Variants in SASH1 observed in about 807,000 individuals in gnomAD.
SASH1 encodes SAM and SH3 domain-containing protein 1.
Under a neutral mutation model 125.2 loss-of-function variants are expected in SASH1, and 44 were observed. That is an observed-to-expected ratio of 0.35 (90% CI 0.28 to 0.45). The LOEUF (loss-of-function observed/expected upper bound fraction) is 0.45. Among genes scored for constraint, SASH1 ranks in the 20% least tolerant of loss-of-function variants. The pLI is 1.00. For missense variants in SASH1, 1,426 were observed against 1,614.5 expected, an observed-to-expected ratio of 0.88 and a Z score of 2.00; for synonymous variants, 639 against 649.1, an observed-to-expected ratio of 0.98 and a Z score of 0.24.
chr6:148,448,115 A>AGTGTGTGTGTGTGTGTGT (rs34309514), intron 4 of SASH1, among the ~76,000 whole-genome samples: 3 of 146,816 alleles, frequency 2.0e-5, no homozygotes, highest in African/African-American at 7.8e-5. Context: ...CAGTGGAGAG[A>AGTGTGTGTGTGTGTGTGT]GTGTGTGTGT....
chr6:148,396,586 GT>G (rs1273775174), intron 2 of SASH1, among the ~76,000 whole-genome samples: 1 of 150,884 alleles, frequency 6.6e-6, no homozygotes, highest in East Asian at 1.9e-4. Flanking sequence ...TCCAAATATA[GT>G]TCTGGATTAA....
rs1780326925 is a variant in SASH1 at position 148,514,465 on chromosome 6, A to G, written c.862+9A>G. ...AAAACCCAGCACTGAAGGTAAAAAAAAAAAAAAAAAAAAAAAAAAAAGGCA... is the reference window on the plus strand; with the variant it reads ...AAAACCCAGCACTGAAGGTAAAAAAGAAAAAAAAAAAAAAAAAAAAAGGCA... On this transcript the variant is annotated intron_variant, in intron 9 of 19. Transcript: ENST00000367467. The G allele has an allele frequency of 8.3e-7, 1 of 1,209,764 alleles. No homozygotes were observed. Among genetic ancestry groups the G allele is most frequent in the African/African-American group, 1.6e-5 (1 of 62,180 alleles). 74.9% of individuals were successfully genotyped at this position (1,209,764 alleles called of 1,614,324 possible).
In SASH1 at chr6:148,495,471, A is replaced by T; in HGVS notation, c.729+7756A>T. On this transcript the variant is annotated intron_variant, in intron 8 of 19. Transcript: ENST00000367467. The surrounding 1 kb of genome is among the most constrained non-coding windows in gnomAD (Gnocchi z 4.0). ...TTTATTTTATTTTATTTTTTACTAG[A>T]GTAACTTTTAGACACTAGGTTAAAA... 6.6e-6 allele frequency among the ~76,000 whole-genome samples: 1 copy of T among 152,272 alleles called. No homozygotes were observed. Among genetic ancestry groups the T allele is most frequent in the South Asian group, 2.1e-4 (1 of 4,828 alleles).
the SASH1 span, among the ~76,000 whole-genome samples, chr6:148,234,752 G>A: frequency 3.3e-5 from 5 of 151,862 alleles, no homozygotes; most frequent in African/African-American, 4.8e-5. Flanking sequence ...GCTTGAACCC[G>A]GGAGGCGGAG....
chr6:148,456,550 A>C (rs934181067), intron 4 of SASH1, among the ~76,000 whole-genome samples: 1 of 152,206 alleles, frequency 6.6e-6, no homozygotes, highest in African/African-American at 2.4e-5. Context: ...CCATTTACAA[A>C]ATACTTGGGA....
intron 1 of SASH1, among the ~76,000 whole-genome samples, chr6:148,348,409 G>C (rs1444618822): frequency 1.3e-5 from 2 of 152,132 alleles, no homozygotes; most frequent in Non-Finnish European, 2.9e-5. Context: ...TTTATTTGCT[G>C]TTCTCTACCT....
Position 148,550,285 on chromosome 6 carries a change from A to G in SASH1, c.*1727A>G, listed in dbSNP as rs927097339. ...AAAATATAAAGGTCAATCATTTATA[A>G]TAGAAACACCTTGACCACAAGCCCT... On this transcript the variant is annotated 3_prime_UTR_variant, in exon 20 of 20. Coordinates refer to ENST00000367467, the MANE Select transcript of SASH1 (RefSeq NM_015278.5). 16 of 152,278 alleles carry G rather than the reference A, an allele frequency of 1.1e-4. No homozygotes were observed. Among genetic ancestry groups the G allele is most frequent in the African/African-American group, 3.6e-4 (15 of 41,478 alleles). The allele number at this position is 152,278 out of a possible 1,614,324, so 9.4% of individuals were successfully genotyped here. A position where few individuals can be genotyped will look rare whatever the true frequency, so the allele number is the denominator to read the frequency against.
intron 1 of SASH1, among the ~76,000 whole-genome samples, chr6:148,377,813 A>G (rs544246426): frequency 2.8e-4 from 42 of 152,326 alleles, no homozygotes; most frequent in African/African-American, 9.4e-4. Flanking sequence ...TGGAGGAGTG[A>G]GGACTTCTAT....
At chr6:148,233,133 G>A in the SASH1 span, among the ~76,000 whole-genome samples, 32 of 151,400 alleles carry the variant, frequency 2.1e-4, no homozygotes, top group South Asian at 6.5e-3. Context: ...AGAATTGCTT[G>A]AACCCAGGAG....
rs775474880 is a variant in SASH1 at position 148,532,790 on chromosome 6, T to C, written c.1565-7T>C. 1.9e-6 allele frequency: 3 copies of C among 1,614,136 alleles called. No individual in the cohort carries two copies. Among genetic ancestry groups the C allele is most frequent in the East Asian group, 2.2e-5 (1 of 44,886 alleles). On this transcript the variant is annotated splice_polypyrimidine_tract_variant and splice_region_variant and intron_variant, in intron 13 of 19. Transcript: ENST00000367467. The surrounding 1 kb of genome is among the most constrained non-coding windows in gnomAD (Gnocchi z 4.7). ...CTACCCGTGTTCTTCCTATGTTTCC[T>C]GTACAGGCGGTCAAACAGTGAGCAC...
chr6:148,397,072 A>T (rs1783986354), intron 2 of SASH1, among the ~76,000 whole-genome samples: 1 of 152,152 alleles, frequency 6.6e-6, no homozygotes, highest in African/African-American at 2.4e-5. Context: ...ACATCTATAA[A>T]GATCATAATA....
chr6:148,304,284 C>CA (rs1424832208), intron 1 of SASH1, among the ~76,000 whole-genome samples: 1 of 151,912 alleles, frequency 6.6e-6, no homozygotes, highest in East Asian at 1.9e-4. Context: ...TAAAAAAATA[C>CA]AAAAAATTAG....
chr6:148,326,118 C>T (rs1471243583), intron 1 of SASH1, among the ~76,000 whole-genome samples: 1 of 150,012 alleles, frequency 6.7e-6, no homozygotes, highest in Non-Finnish European at 1.5e-5. Flanking sequence ...ATCTCCACCT[C>T]CTGGGTTCAA....
At chr6:148,485,519 A>G (rs976049177) in intron 7 of SASH1, among the ~76,000 whole-genome samples, 15 of 152,184 alleles carry the variant, frequency 9.9e-5, no homozygotes, top group Non-Finnish European at 2.2e-4. Context: ...GTTTTGCTGC[A>G]TTATCATAGT....
intron 1 of SASH1, among the ~76,000 whole-genome samples, chr6:148,383,450 CAATA>C (rs1186422203): frequency 6.6e-6 from 1 of 151,884 alleles, no homozygotes; most frequent in East Asian, 1.9e-4. Flanking sequence ...GGTAAAGAAA[CAATA>C]AAGGAGTCAG....
At chr6:148,432,548 A>C (rs1433587361) in intron 2 of SASH1, among the ~76,000 whole-genome samples, 1 of 152,224 alleles carries the variant, frequency 6.6e-6, no homozygotes, top group Non-Finnish European at 1.5e-5. Context: ...CATGTGGCTA[A>C]GCATCCGATC....
chr6:148,280,590 G>A (rs921652533), intron 1 of SASH1, among the ~76,000 whole-genome samples: 5 of 152,184 alleles, frequency 3.3e-5, no homozygotes, highest in South Asian at 2.1e-4. Context: ...CCCTAGGATC[G>A]CTTGAGCTCA....
At chr6:148,513,157 G>C (rs1780246399) in intron 8 of SASH1, 2 of 985,320 alleles carry the variant, frequency 2.0e-6, no homozygotes, top group Admixed American at 6.1e-5. Context: ...GGATTAGTGA[G>C]AGCTTTTCTT....
intron 19 of SASH1, 82 bp downstream of exon 19, chr6:148,546,228 T>G (rs1172026206): frequency 1.3e-6 from 2 of 1,508,062 alleles, no homozygotes; most frequent in Non-Finnish European, 1.8e-6. Context: ...AACTGCCAAG[T>G]AGGCAAGGGC....
Sources: gnomAD v4.1 joint callset for allele counts (sites outside exome capture counted in the v4.1 genomes callset) on GRCh38, gnomAD v4.1.1 for gene constraint, Gnocchi (gnomAD v3.1) non-coding constraint, MANE v1.5 for transcripts, NCBI Gene and HGNC (gene_info 2026-07-23, HGNC 2026-07-21) for gene names.